The following KCND2 variants were observed in gnomAD, a reference collection of about 807,000 sequenced individuals.
KCND2 encodes the protein A-type voltage-gated potassium channel KCND2.
Under a neutral mutation model 54.4 loss-of-function variants are expected in KCND2, and 16 were observed. The observed-to-expected ratio is 0.29, with a 90% confidence interval of 0.20 to 0.45. The LOEUF is 0.45. KCND2 is among the 20% of genes least tolerant of loss of function. The pLI, the probability that KCND2 is intolerant of heterozygous loss-of-function variation, is 1.00. For missense variants in KCND2, 486 were observed against 824.2 expected, an observed-to-expected ratio of 0.59 and a Z score of 5.02; for synonymous variants, 317 against 310.7, an observed-to-expected ratio of 1.02 and a Z score of -0.21.
At chr7:120,342,720 A>T (rs1563015816) in intron 1 of KCND2, among the ~76,000 whole-genome samples, 2 of 152,244 alleles carry the variant, frequency 1.3e-5, no homozygotes, top group South Asian at 4.1e-4. Context: ...GCATAAAATG[A>T]TTATTTAGAG....
At chr7:120,706,475 A>G (rs561634761) in intron 1 of KCND2, among the ~76,000 whole-genome samples, 1 of 152,298 alleles carries the variant, frequency 6.6e-6, no homozygotes, top group Admixed American at 6.5e-5. Context: ...ACATGGCAGA[A>G]GGCAGAAGGG....
At chr7:120,494,126 G>C (rs1417142373) in intron 1 of KCND2, among the ~76,000 whole-genome samples, 7 of 152,030 alleles carry the variant, frequency 4.6e-5, no homozygotes, top group Non-Finnish European at 1.0e-4. Context: ...ATATTTTAAA[G>C]CAATAAAATA....
intron 1 of KCND2, among the ~76,000 whole-genome samples, chr7:120,411,261 C>T (rs192874192): frequency 6.6e-6 from 1 of 151,868 alleles, no homozygotes; most frequent in East Asian, 1.9e-4. Context: ...TGTCCACTAT[C>T]CTTAAAGATC....
intron 1 of KCND2, among the ~76,000 whole-genome samples, chr7:120,677,324 C>G (rs1408980090): frequency 2.0e-5 from 3 of 151,888 alleles, no homozygotes. Flanking sequence ...TGAATCAGTA[C>G]CAGGGAAGAG....
In KCND2 at chr7:120,415,249, A is replaced by C. The variant is rs192498295; in HGVS notation, c.1115+139502A>C. ...ACTCCAAGTCCCTATTACTCCCTTC[A>C]TTCTGAAAATGACCTGGCCTGAACA... On this transcript the variant is annotated intron_variant, in intron 1 of 5. Transcript: ENST00000331113. Among the ~76,000 whole-genome samples the C allele has an allele frequency of 2.9e-3, 435 of 152,224 alleles. 2 individuals are homozygous for C. Among genetic ancestry groups the C allele is most frequent in the African/African-American group, 9.9e-3 (411 of 41,538 alleles).
chr7:120,532,239 A>C (rs1791851584), intron 1 of KCND2, among the ~76,000 whole-genome samples: 2 of 152,062 alleles, frequency 1.3e-5, no homozygotes, highest in South Asian at 4.1e-4. Context: ...AATATAGTGA[A>C]TATTTATACA....
chr7:120,527,554 G>A (rs1057054371), intron 1 of KCND2, among the ~76,000 whole-genome samples: 2 of 152,000 alleles, frequency 1.3e-5, no homozygotes, highest in African/African-American at 4.8e-5. Flanking sequence ...TAAAGATTTT[G>A]TTTTTCCTAA....
chr7:120,440,204 A>T (rs560493661), intron 1 of KCND2, among the ~76,000 whole-genome samples: 1 of 152,180 alleles, frequency 6.6e-6, no homozygotes, highest in South Asian at 2.1e-4. Context: ...CTGGAGTGAG[A>T]TGATATTTCA....
In KCND2 at chr7:120,596,776, T is replaced by C. The variant is rs1792751089; in HGVS notation, c.1116-136127T>C. Reference sequence around the variant, plus strand: ...GTTGTATACTAAAAAATCAGTAAGATTCAGTGTCCACCCCAATGAAGTTCA... The same window carrying C: ...GTTGTATACTAAAAAATCAGTAAGACTCAGTGTCCACCCCAATGAAGTTCA... On this transcript the variant is annotated intron_variant, in intron 1 of 5. Transcript: ENST00000331113. Among the ~76,000 whole-genome samples the C allele has an allele frequency of 2.0e-5, 3 of 152,184 alleles. No homozygotes were observed. The South Asian group carries it at 6.2e-4, about 32-fold the overall frequency.
chr7:120,276,097 A>G (rs1238136481), intron 1 of KCND2, among the ~76,000 whole-genome samples: 1 of 152,154 alleles, frequency 6.6e-6, no homozygotes, highest in East Asian at 1.9e-4. Flanking sequence ...AAATATATAC[A>G]ATGTATATTG....
intron 1 of KCND2, among the ~76,000 whole-genome samples, chr7:120,394,540 C>T (rs1454227281): frequency 1.3e-5 from 2 of 152,028 alleles, no homozygotes; most frequent in Non-Finnish European, 2.9e-5. Context: ...AGCAGACCTT[C>T]AGGACCCTCC....
intron 1 of KCND2, among the ~76,000 whole-genome samples, chr7:120,591,181 G>C (rs2116458091): frequency 6.6e-6 from 1 of 152,182 alleles, no homozygotes; most frequent in African/African-American, 2.4e-5. Flanking sequence ...TACATAATTT[G>C]AATTAGAAAT....
At chr7:120,657,829 C>T (rs2116555023) in intron 1 of KCND2, among the ~76,000 whole-genome samples, 1 of 151,730 alleles carries the variant, frequency 6.6e-6, no homozygotes, top group East Asian at 1.9e-4. Context: ...GCCTGGACAA[C>T]AGAGTGAGAC....
At chr7:120,543,791 A>C (rs555170827) in intron 1 of KCND2, among the ~76,000 whole-genome samples, 4 of 152,148 alleles carry the variant, frequency 2.6e-5, no homozygotes, top group Admixed American at 2.6e-4. Flanking sequence ...CCTACTCTGC[A>C]AAAAGTTTGG....
chr7:120,569,960 A>G (rs1792342310), intron 1 of KCND2, among the ~76,000 whole-genome samples: 1 of 152,158 alleles, frequency 6.6e-6, no homozygotes, highest in African/African-American at 2.4e-5. Context: ...TGCTCAAAAC[A>G]AAACAAAACA....
At chr7:120,607,254 T>G (rs999206798) in intron 1 of KCND2, among the ~76,000 whole-genome samples, 2 of 152,138 alleles carry the variant, frequency 1.3e-5, no homozygotes, top group African/African-American at 4.8e-5. Flanking sequence ...ATTTCCAGAC[T>G]TCTGAAAAAT....
At chr7:120,492,130 G>A (rs1374144655) in intron 1 of KCND2, among the ~76,000 whole-genome samples, 1 of 151,804 alleles carries the variant, frequency 6.6e-6, no homozygotes, top group Non-Finnish European at 1.5e-5. Flanking sequence ...TCTGGATCTT[G>A]GAACACTTCA....
intron 1 of KCND2, among the ~76,000 whole-genome samples, chr7:120,310,691 C>T (rs1799724830): frequency 6.6e-6 from 1 of 152,026 alleles, no homozygotes; most frequent in Non-Finnish European, 1.5e-5. Flanking sequence ...CATCCCAGCA[C>T]TTTGGGAGGC....
chr7:120,332,598 G>A (rs1045580368), intron 1 of KCND2, among the ~76,000 whole-genome samples: 10 of 151,982 alleles, frequency 6.6e-5, no homozygotes, highest in South Asian at 2.1e-4. Context: ...TAAATGCTTC[G>A]CTGAATGTTT....
Sources: allele counts gnomAD v4.1 joint callset (sites outside exome capture counted in the v4.1 genomes callset), GRCh38; gene constraint gnomAD v4.1.1; transcripts MANE v1.5; gene names NCBI Gene and HGNC (gene_info 2026-07-23, HGNC 2026-07-21).